Variants in ELMO1 observed in about 807,000 individuals in gnomAD.
The protein encoded by ELMO1 is engulfment and cell motility protein 1.
Under a neutral mutation model 98.9 loss-of-function variants are expected in ELMO1, and 26 were observed. The ratio of observed to expected loss-of-function variants is 0.26; its 90% confidence interval spans 0.19 to 0.36. The LOEUF (loss-of-function observed/expected upper bound fraction) is 0.36. Among genes scored for constraint, ELMO1 ranks in the 10% least tolerant of loss-of-function variants. The pLI, the probability that ELMO1 is intolerant of heterozygous loss-of-function variation, is 1.00. For synonymous variants in ELMO1, 346 were observed against 346.0 expected (o/e 1.00, Z 0.00); for missense variants, 627 against 935.2 (o/e 0.67, Z 4.30).
intron 16 of ELMO1, among the ~76,000 whole-genome samples, chr7:36,966,904 G>C (rs1479493392): frequency 6.6e-6 from 1 of 152,218 alleles, no homozygotes; most frequent in African/African-American, 2.4e-5. Flanking sequence ...GCTCCAAAGA[G>C]GCTGGCTCGC....
At chr7:36,887,737 T>G in intron 17 of ELMO1, 65 bp from the exon 18 acceptor site, 3 of 1,455,546 alleles carry the variant, frequency 2.1e-6, no homozygotes, top group Non-Finnish European at 2.9e-6. Context: ...TTGGTGGGCA[T>G]CATGGGCATA....
At chr7:37,105,591 C>T (rs1016169657) in intron 14 of ELMO1, among the ~76,000 whole-genome samples, 1 of 152,222 alleles carries the variant, frequency 6.6e-6, no homozygotes, top group Admixed American at 6.5e-5. Flanking sequence ...ACTCACGAAT[C>T]TGCCTTTCTA....
At chr7:37,213,021 C>T (rs1247589541) in intron 12 of ELMO1, among the ~76,000 whole-genome samples, 7 of 152,168 alleles carry the variant, frequency 4.6e-5, no homozygotes, top group Admixed American at 3.9e-4. Context: ...GGGAACTTGA[C>T]TCCAAAGCTA....
Position 37,228,816 on chromosome 7 carries a change from C to T in ELMO1, c.550-3786G>A, listed in dbSNP as rs541309262. ...AGGAGATCGGCTAACATGGTGAAAC[C>T]CCCATCTCTACTAAAAATACAAAAA... is the stretch of plus-strand genomic sequence containing the variant. On this transcript the variant is annotated intron_variant, in intron 8 of 21. Transcript: ENST00000310758. Among the ~76,000 whole-genome samples, 6 of 152,056 alleles carry T rather than the reference C, an allele frequency of 3.9e-5. No homozygotes were observed. In the South Asian group the frequency reaches 1.3e-3, roughly 32 times the overall value.
chr7:37,088,985 G>A (rs1783925681), intron 15 of ELMO1, among the ~76,000 whole-genome samples: 1 of 152,090 alleles, frequency 6.6e-6, no homozygotes, highest in Admixed American at 6.5e-5. Flanking sequence ...AAGAGTACAA[G>A]CTCGTATTTG....
chr7:37,115,182 A>C (rs892265950), intron 14 of ELMO1, among the ~76,000 whole-genome samples: 3 of 152,226 alleles, frequency 2.0e-5, no homozygotes, highest in Admixed American at 6.5e-5. Context: ...TAAACAAGAA[A>C]ATGATACCAA....
chr7:37,292,011 G>A (rs377351076), intron 4 of ELMO1, among the ~76,000 whole-genome samples: 8 of 130,654 alleles, frequency 6.1e-5, no homozygotes, highest in Non-Finnish European at 1.0e-4. Context: ...GAAGCTGGAC[G>A]GTACTGCTGC....
At position 37,304,444 on chromosome 7, in the gene ELMO1, G is replaced by A. The variant is rs183591606; in HGVS notation, c.192+10406C>T. On this transcript the variant is annotated intron_variant, in intron 4 of 21. Coordinates refer to ENST00000310758, the MANE Select transcript of ELMO1 (RefSeq NM_014800.11). The stretch of plus-strand genomic sequence containing the variant: ...AGAAAGGGCAGAGGCGTCTGGGCAC[G>A]GCGGCTCACGCCTGTAATCCCAGCA... 3.5e-3 allele frequency among the ~76,000 whole-genome samples: 536 copies of A among 152,302 alleles called. 2 individuals carry two copies. The highest frequency in any genetic ancestry group is 0.012 in the African/African-American group (505 of 41,570).
intron 13 of ELMO1, among the ~76,000 whole-genome samples, chr7:37,161,932 A>G (rs1459080741): frequency 8.7e-6 from 1 of 114,370 alleles, no homozygotes; most frequent in Non-Finnish European, 1.9e-5. Flanking sequence ...ATATATATAT[A>G]TATGTTAAGC....
intron 15 of ELMO1, among the ~76,000 whole-genome samples, chr7:37,046,489 G>T (rs1309269043): frequency 6.6e-6 from 1 of 152,178 alleles, no homozygotes; most frequent in Non-Finnish European, 1.5e-5. Context: ...CTTTGAGTTG[G>T]CCAAAGAAAG....
intron 15 of ELMO1, chr7:37,033,374 G>C (rs763971525): frequency 2.2e-6 from 1 of 456,030 alleles, no homozygotes; most frequent in Non-Finnish European, 4.4e-6. Context: ...AGGCTGGATC[G>C]TGTTCACGGC....
At chr7:37,387,262 G>A (rs767562792) in intron 1 of ELMO1, among the ~76,000 whole-genome samples, 1 of 152,204 alleles carries the variant, frequency 6.6e-6, no homozygotes, top group Non-Finnish European at 1.5e-5. Context: ...ATCACTAACT[G>A]TCTCACAGTC....
At chr7:37,033,369 G>C (rs927045612) in intron 15 of ELMO1, 1 of 456,114 alleles carries the variant, frequency 2.2e-6, no homozygotes, top group Non-Finnish European at 4.4e-6. Flanking sequence ...CTGCAAGGCT[G>C]GATCGTGTTC....
chr7:36,962,329 C>T (rs937874901), intron 16 of ELMO1, among the ~76,000 whole-genome samples: 2 of 152,136 alleles, frequency 1.3e-5, no homozygotes, highest in African/African-American at 2.4e-5. Context: ...TGAAGTGTAT[C>T]TAGAAAACAA....
intron 4 of ELMO1, 109 bp downstream of exon 4, chr7:37,314,741 T>C: frequency 2.1e-6 from 2 of 945,942 alleles, no homozygotes; most frequent in South Asian, 1.6e-5. Context: ...TCGTGGATAG[T>C]AGAGACCTAA....
chr7:37,218,346 G>A (rs1236863639), intron 10 of ELMO1, among the ~76,000 whole-genome samples: 1 of 152,068 alleles, frequency 6.6e-6, no homozygotes, highest in African/African-American at 2.4e-5. Context: ...AAGACTGTGA[G>A]TCCCTCATGA....
intron 1 of ELMO1, among the ~76,000 whole-genome samples, chr7:37,419,208 T>C (rs1199884006): frequency 6.6e-6 from 1 of 152,136 alleles, no homozygotes; most frequent in Admixed American, 6.5e-5. Flanking sequence ...AAACCCAAAA[T>C]AATACTCTTA....
intron 1 of ELMO1, among the ~76,000 whole-genome samples, chr7:37,411,123 T>C (rs1273421224): frequency 2.6e-5 from 4 of 152,204 alleles, no homozygotes; most frequent in African/African-American, 9.7e-5. Context: ...AAGAAATAAT[T>C]ATGGAGATGT....
Position 36,855,857 on chromosome 7 carries a change from T to C in ELMO1, c.1984-106A>G. ...ACTCATCCCTCAGTAGGCTGTGCGC[T>C]AAGGGCTCTGCCTACTTCGTCATTT... On this transcript the variant is annotated intron_variant, in intron 21 of 21. Transcript: ENST00000310758. The surrounding 1 kb of genome is among the most constrained non-coding windows in gnomAD (Gnocchi z 4.2). 2 of 1,306,850 alleles carry C rather than the reference T, an allele frequency of 1.5e-6. No homozygotes were observed. Among genetic ancestry groups the C allele is most frequent in the Non-Finnish European group, 2.2e-6 (2 of 923,756 alleles). 81.0% of individuals were successfully genotyped at this position (1,306,850 alleles called of 1,614,324 possible).
Sources: allele counts gnomAD v4.1 joint callset (sites outside exome capture counted in the v4.1 genomes callset), GRCh38; gene constraint gnomAD v4.1.1; non-coding constraint Gnocchi (gnomAD v3.1); transcripts MANE v1.5; gene names NCBI Gene and HGNC (gene_info 2026-07-23, HGNC 2026-07-21).